ATP8A2: variants seen among roughly 807,000 people sequenced by gnomAD.
ATP8A2 encodes phospholipid-transporting ATPase IB.
A neutral mutation model predicts 165.6 loss-of-function variants in ATP8A2; 100 were observed. The ratio of observed to expected loss-of-function variants is 0.60; its 90% CI spans 0.51 to 0.71. The LOEUF (loss-of-function observed/expected upper bound fraction) is 0.71, where lower values mean the gene tolerates loss of function less well. Among genes scored for constraint, ATP8A2 ranks in the 30% least tolerant of loss-of-function variants. The pLI, the probability that ATP8A2 is intolerant of heterozygous loss-of-function variation, is 0.00. For synonymous variants in ATP8A2, 543 were observed against 548.8 expected (o/e 0.99, Z 0.15); for missense variants, 1,227 against 1,479.5 (o/e 0.83, Z 2.80).
chr13:25,996,447 G>C (rs1229003842), intron 35 of ATP8A2, among the ~76,000 whole-genome samples: 1 of 152,002 alleles, frequency 6.6e-6, no homozygotes, highest in Non-Finnish European at 1.5e-5. Context: ...CTCATATTTT[G>C]CTTACTATAT....
chr13:25,712,637 C>T (rs1345448453), intron 25 of ATP8A2, among the ~76,000 whole-genome samples: 3 of 152,194 alleles, frequency 2.0e-5, no homozygotes, highest in Non-Finnish European at 2.9e-5. Flanking sequence ...AGTGATTCCA[C>T]GAGTGTGTAA....
At chr13:25,754,750 T>C (rs2044225913) in intron 25 of ATP8A2, among the ~76,000 whole-genome samples, 1 of 152,194 alleles carries the variant, frequency 6.6e-6, no homozygotes, top group African/African-American at 2.4e-5. Context: ...TGTTTTTTAA[T>C]ATAGCAAAAG....
chr13:25,562,273 GC>G (rs1170572297), intron 15 of ATP8A2, among the ~76,000 whole-genome samples: 8 of 152,142 alleles, frequency 5.3e-5, no homozygotes, highest in Non-Finnish European at 8.8e-5. Context: ...CCACGTCCTT[GC>G]CAACACTTGT....
intron 27 of ATP8A2, among the ~76,000 whole-genome samples, chr13:25,783,356 A>G (rs573840033): frequency 2.0e-5 from 3 of 152,354 alleles, no homozygotes; most frequent in African/African-American, 4.8e-5. Context: ...CCATTGGACA[A>G]TTGAAAAATG....
rs192779046 is a variant in ATP8A2 at position 25,840,282 on chromosome 13, A to G, written c.2956+658A>G. ...TGTATCATGAGAATGCTACTCTTTC[A>G]TCCCTCTCAAATAGTAATAATCCCC... On this transcript the variant is annotated intron_variant, in intron 30 of 36. Coordinates refer to ENST00000381655, the MANE Select transcript of ATP8A2 (RefSeq NM_016529.6). 2.3e-3 allele frequency among the ~76,000 whole-genome samples: 345 copies of G among 152,310 alleles called. 1 individual carries two copies. The highest frequency in any genetic ancestry group is 8.0e-3 in the African/African-American group (332 of 41,570).
chr13:25,529,286 A>G (rs1393607441), intron 2 of ATP8A2, among the ~76,000 whole-genome samples: 2 of 152,134 alleles, frequency 1.3e-5, no homozygotes. Flanking sequence ...GGGTTATTTC[A>G]CTGTTCACTC....
intron 1 of ATP8A2, among the ~76,000 whole-genome samples, chr13:25,406,867 T>G (rs1192162797): frequency 6.6e-6 from 1 of 152,242 alleles, no homozygotes; most frequent in Non-Finnish European, 1.5e-5. Flanking sequence ...GCGGTGGCTT[T>G]CATGTGGGCC....
rs542277473 is a variant in ATP8A2 at position 25,609,626 on chromosome 13, T to C, written c.2211+19927T>C. Among the ~76,000 whole-genome samples the C allele has an allele frequency of 1.1e-3, 170 of 150,718 alleles. 1 individual carries two copies. The highest frequency in any genetic ancestry group is 4.0e-3 in the African/African-American group (166 of 41,342). On this transcript the variant is annotated intron_variant, in intron 24 of 36. Transcript: ENST00000381655. Reference sequence around the variant, plus strand: ...ATATTTGAATAATGTCTTATTTTCCTCTGGGTAGATACCCAGTAGTGGGAT... The same window carrying C: ...ATATTTGAATAATGTCTTATTTTCCCCTGGGTAGATACCCAGTAGTGGGAT...
At chr13:25,594,067 G>C (rs1262750019) in intron 24 of ATP8A2, among the ~76,000 whole-genome samples, 2 of 151,996 alleles carry the variant, frequency 1.3e-5, no homozygotes, top group African/African-American at 2.4e-5. Context: ...AAATGTATAT[G>C]GTATCTTGAA....
intron 2 of ATP8A2, among the ~76,000 whole-genome samples, chr13:25,498,409 C>T (rs1355517318): frequency 1.3e-5 from 2 of 152,204 alleles, no homozygotes; most frequent in African/African-American, 4.8e-5. Context: ...ACCCATTCTA[C>T]AGAATGCTTG....
At chr13:25,876,930 A>G (rs763088036) in intron 33 of ATP8A2, among the ~76,000 whole-genome samples, 3 of 152,174 alleles carry the variant, frequency 2.0e-5, no homozygotes, top group Non-Finnish European at 2.9e-5. Context: ...ATTTTGGAAA[A>G]TAGCTCATTA....
chr13:25,803,698 C>G (rs1423304013), intron 27 of ATP8A2, among the ~76,000 whole-genome samples: 1 of 152,196 alleles, frequency 6.6e-6, no homozygotes, highest in Non-Finnish European at 1.5e-5. Flanking sequence ...GTTACCATTA[C>G]CTGAAGGCTT....
At chr13:25,628,525 TGTATTA>T (rs1365037098) in intron 24 of ATP8A2, among the ~76,000 whole-genome samples, 1 of 152,204 alleles carries the variant, frequency 6.6e-6, no homozygotes, top group Non-Finnish European at 1.5e-5. Flanking sequence ...CAACACTGCC[TGTATTA>T]GTCTTCTAGG....
At chr13:25,546,851 C>G (rs775361452) in intron 10 of ATP8A2, among the ~76,000 whole-genome samples, 1 of 152,112 alleles carries the variant, frequency 6.6e-6, no homozygotes, top group Non-Finnish European at 1.5e-5. Context: ...GCAGTCTGGC[C>G]GGGGGCAGTG....
chr13:25,988,397 A>G (rs1483903540), intron 35 of ATP8A2, among the ~76,000 whole-genome samples: 3 of 152,244 alleles, frequency 2.0e-5, no homozygotes, highest in African/African-American at 7.2e-5. Context: ...CTACAATACC[A>G]TAATGATGAC....
chr13:25,992,386 C>T (rs1956413366), intron 35 of ATP8A2, among the ~76,000 whole-genome samples: 1 of 151,878 alleles, frequency 6.6e-6, no homozygotes, highest in African/African-American at 2.4e-5. Flanking sequence ...GGCCTTTGAC[C>T]ATTTTCTAAT....
intron 1 of ATP8A2, among the ~76,000 whole-genome samples, chr13:25,400,283 G>C (rs145993244): frequency 6.6e-6 from 1 of 152,266 alleles, no homozygotes; most frequent in Non-Finnish European, 1.5e-5. Flanking sequence ...GATAACTAAA[G>C]TTTATCTCTC....
At position 25,561,429 on chromosome 13, in the gene ATP8A2, G is replaced by A. The variant is rs181028439; in HGVS notation, c.1397+1664G>A. On this transcript the variant is annotated intron_variant, in intron 15 of 36. Transcript: ENST00000381655. ...CTTGATCTTCTATCCTTCGTCATGA[G>A]TTTTCTGTGTGATCTCACTTTCAGT... Among the ~76,000 whole-genome samples the A allele has an allele frequency of 3.7e-4, 56 of 151,874 alleles. 2 individuals are homozygous for A. The highest frequency in any genetic ancestry group is 1.0e-3 in the African/African-American group (42 of 41,420).
intron 24 of ATP8A2, among the ~76,000 whole-genome samples, chr13:25,623,764 C>T (rs527431566): frequency 1.3e-5 from 2 of 151,696 alleles, no homozygotes; most frequent in Admixed American, 6.6e-5. Flanking sequence ...TGTGTGTATA[C>T]GTGTATATAT....
Sources: allele counts gnomAD v4.1 joint callset (sites outside exome capture counted in the v4.1 genomes callset), GRCh38; gene constraint gnomAD v4.1.1; transcripts MANE v1.5; gene names NCBI Gene and HGNC (gene_info 2026-07-23, HGNC 2026-07-21).